Variants in DAPK1 observed in about 807,000 individuals in gnomAD.
The protein encoded by DAPK1 is death-associated protein kinase 1.
DAPK1 carries 56 observed loss-of-function variants against 144.9 expected under a neutral mutation model. That is an observed-to-expected ratio of 0.39 (90% CI 0.31 to 0.48). The LOEUF is 0.48. Ranked by LOEUF, DAPK1 falls within the 20% of genes least tolerant of loss-of-function variation. The pLI is 0.95. For missense variants in DAPK1, 1,454 were observed against 1,875.4 expected, an observed-to-expected ratio of 0.78 and a Z score of 4.15; for synonymous variants, 690 against 749.0, an observed-to-expected ratio of 0.92 and a Z score of 1.29.
intron 20 of DAPK1, among the ~76,000 whole-genome samples, chr9:87,685,045 T>G (rs1587843560): frequency 6.6e-6 from 1 of 152,176 alleles, no homozygotes; most frequent in East Asian, 1.9e-4. Flanking sequence ...GACCCATTCT[T>G]GGGCAACCCA....
intron 2 of DAPK1, among the ~76,000 whole-genome samples, chr9:87,527,925 GT>G: frequency 6.6e-6 from 1 of 152,346 alleles, no homozygotes; most frequent in Middle Eastern, 3.4e-3. Flanking sequence ...AAATGCCGAA[GT>G]CATTAATCCT....
chr9:87,590,914 T>A (rs1230092620), intron 2 of DAPK1, among the ~76,000 whole-genome samples: 1 of 152,258 alleles, frequency 6.6e-6, no homozygotes, highest in Non-Finnish European at 1.5e-5. Context: ...GTTGTATTCA[T>A]ACAAGACCTT....
chr9:87,502,038 T>C (rs1017400496), intron 2 of DAPK1, among the ~76,000 whole-genome samples: 5 of 152,164 alleles, frequency 3.3e-5, no homozygotes, highest in Admixed American at 3.3e-4. Flanking sequence ...TAAACAAATA[T>C]AGATATTATC....
At chr9:87,658,363 G>A (rs1449086596) in intron 18 of DAPK1, among the ~76,000 whole-genome samples, 8 of 152,178 alleles carry the variant, frequency 5.3e-5, no homozygotes, top group South Asian at 2.1e-4. Flanking sequence ...CAGGGATTCC[G>A]CTGCTTCCCG....
intron 2 of DAPK1, among the ~76,000 whole-genome samples, chr9:87,587,245 G>A (rs904726265): frequency 6.6e-6 from 1 of 152,156 alleles, no homozygotes; most frequent in Non-Finnish European, 1.5e-5. Flanking sequence ...TTACATCGAC[G>A]TTAATAATAA....
intron 2 of DAPK1, among the ~76,000 whole-genome samples, chr9:87,503,830 C>A (rs1379787382): frequency 6.6e-6 from 1 of 152,174 alleles, no homozygotes; most frequent in Non-Finnish European, 1.5e-5. Context: ...AGCACAAGAT[C>A]AGTTTTAAAC....
rs984377164 is a variant in DAPK1, at chr9:87,707,535, G to T, written c.*171G>T. The T allele has an allele frequency of 3.3e-6, 2 of 598,348 alleles. No homozygotes were observed. The highest frequency in any genetic ancestry group is 5.9e-6 in the Non-Finnish European group (2 of 337,352). The allele number at this position is 598,348 out of a possible 1,614,324, so 37.1% of individuals were successfully genotyped here. A position where few individuals can be genotyped will look rare whatever the true frequency, so the allele number is the denominator to read the frequency against. The stretch of plus-strand genomic sequence containing the variant: ...TTTCTCTGCCGCTACCTCCCTCCCC[G>T]TCTCATTCCGTTGTCTGTGGATGGT... On this transcript the variant is annotated 3_prime_UTR_variant, in exon 26 of 26. Transcript: ENST00000408954. The surrounding 1 kb of genome is among the most constrained non-coding windows in gnomAD (Gnocchi z 4.0).
Position 87,651,590 on chromosome 9 carries a change from C to G in DAPK1, c.1690C>G (p.Leu564Val). Residue 564 changes from leucine (L) to valine (V), a missense_variant, in exon 17 of 26, where the codon CTC becomes GTC. Coordinates refer to ENST00000408954, the MANE Select transcript of DAPK1 (RefSeq NM_004938.4). ...TCAGATGGAGGTAATCAAGACTCTC[C>G]TCAGCCAAGGGTGTTTCGTCGATTA... ...RCQMEVIKTL[L>V]SQGCFVDYQD... The G allele has an allele frequency of 6.2e-7, 1 of 1,614,182 alleles. No individual in the cohort carries two copies. The highest frequency in any genetic ancestry group is 8.5e-7 in the Non-Finnish European group (1 of 1,180,028).
intron 19 of DAPK1, among the ~76,000 whole-genome samples, chr9:87,672,082 G>A (rs906326029): frequency 1.3e-5 from 2 of 152,178 alleles, no homozygotes; most frequent in Admixed American, 6.5e-5. Context: ...CCGTGATAAG[G>A]GTTGGATGGG....
At chr9:87,684,998 A>G (rs1045066499) in intron 20 of DAPK1, among the ~76,000 whole-genome samples, 1 of 152,204 alleles carries the variant, frequency 6.6e-6, no homozygotes, top group African/African-American at 2.4e-5. Context: ...ACAGGCAGGC[A>G]CCCAGACACA....
intron 2 of DAPK1, among the ~76,000 whole-genome samples, chr9:87,580,193 G>A (rs1436391035): frequency 6.6e-6 from 1 of 152,150 alleles, no homozygotes; most frequent in Non-Finnish European, 1.5e-5. Context: ...GAACTTCACG[G>A]TCATTGATGA....
intron 2 of DAPK1, among the ~76,000 whole-genome samples, chr9:87,537,676 G>C (rs571406246): frequency 6.6e-6 from 1 of 151,970 alleles, no homozygotes; most frequent in African/African-American, 2.4e-5. Flanking sequence ...GTGTCTGCAG[G>C]AGCATTCGAG....
At chr9:87,586,828 C>T (rs1827954926) in intron 2 of DAPK1, among the ~76,000 whole-genome samples, 1 of 152,206 alleles carries the variant, frequency 6.6e-6, no homozygotes, top group South Asian at 2.1e-4. Flanking sequence ...GTTTACCTAT[C>T]TTATTATCAT....
chr9:87,540,048 A>G (rs951581832), intron 2 of DAPK1, among the ~76,000 whole-genome samples: 3 of 152,146 alleles, frequency 2.0e-5, no homozygotes, highest in Non-Finnish European at 4.4e-5. Flanking sequence ...GAAAGAAAAA[A>G]AATTATTTAC....
At chr9:87,643,545 A>C in intron 11 of DAPK1, 77 bp downstream of exon 11, 6 of 967,592 alleles carry the variant, frequency 6.2e-6, no homozygotes, top group Non-Finnish European at 9.7e-6. Context: ...CTATTTGTTC[A>C]ACCTCCCAGG....
chr9:87,521,919 C>T (rs1046036804), intron 2 of DAPK1, among the ~76,000 whole-genome samples: 4 of 152,134 alleles, frequency 2.6e-5, no homozygotes, highest in Non-Finnish European at 5.9e-5. Flanking sequence ...TGGATTAATG[C>T]GTTATCGTGG....
At chr9:87,661,029 G>T (rs577196830) in intron 18 of DAPK1, among the ~76,000 whole-genome samples, 5 of 152,084 alleles carry the variant, frequency 3.3e-5, no homozygotes, top group Non-Finnish European at 7.4e-5. Flanking sequence ...TAGTAGAGAC[G>T]GGGTTTCACC....
intron 18 of DAPK1, among the ~76,000 whole-genome samples, chr9:87,667,529 C>T (rs181429417): frequency 3.9e-5 from 6 of 152,278 alleles, no homozygotes; most frequent in African/African-American, 1.2e-4. Context: ...TGCAAAATGT[C>T]AGTGTTGGCA....
rs757064991 is a variant in DAPK1 at position 87,681,557 on chromosome 9, C to T, written c.2155C>T (p.Arg719Cys). 5.6e-6 allele frequency: 9 copies of T among 1,612,482 alleles called. No homozygotes were observed. The highest frequency in any genetic ancestry group is 2.7e-5 in the African/African-American group (2 of 74,880). Residue 719 changes from arginine (R) to cysteine (C), a missense_variant, in exon 20 of 26, where the codon CGT (arginine) becomes TGT (cysteine). Physicochemically the swap from Arg to Cys is radical, Grantham distance 180 (BLOSUM62 -3). Transcript: ENST00000408954. ...CGLLRSFFRR[R>C]RPRLSSTNSS... ...GCTGCTGAGGAGCTTTTTCAGAAGG[C>T]GTCGGCCCAGACTGTCTTCCACCAA...
Sources: allele counts gnomAD v4.1 joint callset (sites outside exome capture counted in the v4.1 genomes callset), GRCh38; gene constraint gnomAD v4.1.1; non-coding constraint Gnocchi (gnomAD v3.1); transcripts MANE v1.5; gene names NCBI Gene and HGNC (gene_info 2026-07-23, HGNC 2026-07-21).